Variants in PRKCA observed in about 807,000 individuals in gnomAD.
PRKCA encodes the protein protein kinase C alpha, also known as protein kinase C alpha type.
PRKCA carries 27 observed loss-of-function variants against 87.0 expected under a neutral mutation model. That is an observed-to-expected ratio of 0.31 (90% CI 0.23 to 0.43). The LOEUF (loss-of-function observed/expected upper bound fraction) is 0.43. Ranked by LOEUF, PRKCA falls within the 20% of genes least tolerant of loss-of-function variation. The probability of loss-of-function intolerance (pLI) is 1.00; values close to 1 mark genes in which losing one functional copy is unlikely to be tolerated. For synonymous variants in PRKCA, 329 were observed against 311.1 expected (o/e 1.06, Z -0.61); for missense variants, 518 against 852.3 (o/e 0.61, Z 4.88).
intron 2 of PRKCA, among the ~76,000 whole-genome samples, chr17:66,486,255 G>T (rs561482798): frequency 6.6e-6 from 1 of 152,272 alleles, no homozygotes; most frequent in African/African-American, 2.4e-5. Flanking sequence ...AGGTACTCAA[G>T]ATTTCATTCA....
chr17:66,340,495 G>A (rs1385041820), intron 2 of PRKCA, among the ~76,000 whole-genome samples: 1 of 151,464 alleles, frequency 6.6e-6, no homozygotes, highest in African/African-American at 2.4e-5. Context: ...GGGCTTAGTA[G>A]TGCTTCTACT....
intron 2 of PRKCA, among the ~76,000 whole-genome samples, chr17:66,472,001 G>T (rs1030261281): frequency 6.6e-6 from 1 of 152,134 alleles, no homozygotes; most frequent in South Asian, 2.1e-4. Context: ...TCGCTGTGTT[G>T]CCCGGGCAGG....
At chr17:66,693,520 C>T (rs769110485) in intron 8 of PRKCA, among the ~76,000 whole-genome samples, 1 of 152,184 alleles carries the variant, frequency 6.6e-6, no homozygotes, top group African/African-American at 2.4e-5. Flanking sequence ...ATCATATCCC[C>T]TGTGCTGGCC....
chr17:66,470,546 A>C (rs1332267073), intron 2 of PRKCA, among the ~76,000 whole-genome samples: 1 of 151,944 alleles, frequency 6.6e-6, no homozygotes. Context: ...CATTTTTTAC[A>C]GGGCAGAGAC....
At chr17:66,602,624 C>G (rs1185385550) in intron 3 of PRKCA, among the ~76,000 whole-genome samples, 1 of 152,218 alleles carries the variant, frequency 6.6e-6, no homozygotes, top group African/African-American at 2.4e-5. Context: ...ACAATTTCTT[C>G]TTTTAAAATA....
At chr17:66,575,916 C>T (rs1969225227) in intron 3 of PRKCA, among the ~76,000 whole-genome samples, 1 of 152,076 alleles carries the variant, frequency 6.6e-6, no homozygotes, top group Admixed American at 6.6e-5. Context: ...GAGTTTGAGA[C>T]CAGCCTAACC....
chr17:66,751,184 A>G (rs1414100339), intron 13 of PRKCA, among the ~76,000 whole-genome samples: 1 of 152,266 alleles, frequency 6.6e-6, no homozygotes, highest in Non-Finnish European at 1.5e-5. Context: ...ATGAGAGATT[A>G]CTAACATTTG....
intron 8 of PRKCA, among the ~76,000 whole-genome samples, chr17:66,713,799 C>A (rs567517233): frequency 1.9e-3 from 285 of 152,224 alleles, no homozygotes; most frequent in African/African-American, 6.4e-3. Flanking sequence ...GAGTCTGGCC[C>A]CCAGTCACTG....
chr17:66,793,219 G>T (rs2076921631), intron 16 of PRKCA, among the ~76,000 whole-genome samples: 1 of 152,036 alleles, frequency 6.6e-6, no homozygotes, highest in Non-Finnish European at 1.5e-5. Flanking sequence ...AGGACCGTCA[G>T]CTCAGTGAGG....
At chr17:66,580,688 G>T (rs904275110) in intron 3 of PRKCA, among the ~76,000 whole-genome samples, 1 of 152,160 alleles carries the variant, frequency 6.6e-6, no homozygotes, top group African/African-American at 2.4e-5. Context: ...GGTAAAGTGG[G>T]TTTTCGCCAA....
At chr17:66,790,741 T>G (rs952337305) in intron 16 of PRKCA, among the ~76,000 whole-genome samples, 1 of 151,812 alleles carries the variant, frequency 6.6e-6, no homozygotes, top group Non-Finnish European at 1.5e-5. Context: ...AAAACATGTC[T>G]TTTTCTATTT....
At chr17:66,705,150 T>C (rs1973161558) in intron 8 of PRKCA, among the ~76,000 whole-genome samples, 1 of 152,240 alleles carries the variant, frequency 6.6e-6, no homozygotes, top group South Asian at 2.1e-4. Flanking sequence ...AATTACTTCC[T>C]TAACTGTGTG....
At chr17:66,453,096 C>A (rs1011967926) in intron 2 of PRKCA, among the ~76,000 whole-genome samples, 1 of 152,162 alleles carries the variant, frequency 6.6e-6, no homozygotes. Flanking sequence ...AACTGGAGCC[C>A]TCATTCCCCT....
At chr17:66,457,499 T>C (rs1411863947) in intron 2 of PRKCA, among the ~76,000 whole-genome samples, 1 of 152,150 alleles carries the variant, frequency 6.6e-6, no homozygotes, top group African/African-American at 2.4e-5. Flanking sequence ...GTGAGCTCTC[T>C]GGAGAGGTTA....
intron 8 of PRKCA, among the ~76,000 whole-genome samples, chr17:66,725,835 G>A (rs1365753577): frequency 6.6e-6 from 1 of 151,648 alleles, no homozygotes; most frequent in Non-Finnish European, 1.5e-5. Context: ...ATTCCAAGAA[G>A]GAATGTGTGT....
intron 8 of PRKCA, among the ~76,000 whole-genome samples, chr17:66,720,734 G>T (rs575710419): frequency 6.6e-6 from 1 of 152,156 alleles, no homozygotes; most frequent in East Asian, 1.9e-4. Context: ...GACTTTCATC[G>T]TTGTACAAAA....
At chr17:66,728,648 A>C (rs778657094) in intron 8 of PRKCA, among the ~76,000 whole-genome samples, 1 of 152,248 alleles carries the variant, frequency 6.6e-6, no homozygotes, top group Middle Eastern at 3.2e-3. Context: ...TGATAACATG[A>C]AACTCACAAG....
At position 66,670,685 on chromosome 17, in the gene PRKCA, C is replaced by T. The variant is rs539285989; in HGVS notation, c.530-16426C>T. Among the ~76,000 whole-genome samples the T allele has an allele frequency of 3.8e-4, 57 of 151,902 alleles. No individual in the cohort carries two copies. The South Asian group carries it at 0.012, about 31-fold the overall frequency. On this transcript the variant is annotated intron_variant, in intron 5 of 16. Coordinates refer to ENST00000413366, the MANE Select transcript of PRKCA (RefSeq NM_002737.3). ...AAGATGGGCCTGGACATGGTGAAAT[C>T]GCCATCTCTACCCAAAAAAAACACA... is the stretch of plus-strand genomic sequence containing the variant.
chr17:66,726,236 G>A (rs113167609), intron 8 of PRKCA, among the ~76,000 whole-genome samples: 1 of 122,192 alleles, frequency 8.2e-6, no homozygotes, highest in Non-Finnish European at 1.8e-5. Context: ...GACAGAAAGC[G>A]CAGGTGTTCG....
Sources: allele counts gnomAD v4.1 joint callset (sites outside exome capture counted in the v4.1 genomes callset), GRCh38; gene constraint gnomAD v4.1.1; transcripts MANE v1.5; gene names NCBI Gene and HGNC (gene_info 2026-07-23, HGNC 2026-07-21).